Variants in SIRPB2 observed in about 807,000 individuals in gnomAD.
SIRPB2 encodes the protein signal regulatory protein beta 2.
Under a neutral mutation model 27.1 loss-of-function variants are expected in SIRPB2, and 18 were observed. The ratio of observed to expected loss-of-function variants is 0.66; its 90% CI spans 0.46 to 0.98. The LOEUF (loss-of-function observed/expected upper bound fraction) is 0.98, where lower values mean the gene tolerates loss of function less well. SIRPB2 is among the 50% of genes least tolerant of loss of function. The pLI, the probability that SIRPB2 is intolerant of heterozygous loss-of-function variation, is 0.00. For synonymous variants in SIRPB2, 150 were observed against 164.6 expected, an observed-to-expected ratio of 0.91 and a Z score of 0.68; for missense variants, 420 against 417.4, an observed-to-expected ratio of 1.01 and a Z score of -0.06.
At chr20:1,474,257 ACAGT>A (rs2090591501), downstream of SIRPB2, among the ~76,000 whole-genome samples, 1 of 152,236 alleles carries the variant, frequency 6.6e-6, no homozygotes, top group South Asian at 2.1e-4. Context: ...ATACAAGGTA[ACAGT>A]CAAAGGTTCC....
At chr20:1,476,423 A>C (rs1455340136) in intron 4 of SIRPB2, 87 bp from the exon 5 acceptor site, 14 of 1,331,142 alleles carry the variant, frequency 1.1e-5, no homozygotes, top group Non-Finnish European at 1.4e-5. Flanking sequence ...GCAAGGTCAC[A>C]TCCTGCTGCT....
rs147906566 is a variant in SIRPB2, at chr20:1,487,130, A to G, written c.85+4145T>C. On this transcript the variant is annotated intron_variant, in intron 1 of 4. Transcript: ENST00000359801. The stretch of plus-strand genomic sequence containing the variant: ...AATGAGCTTAGCAAGGTGGACGATA[A>G]AAGATCAATGTACAAAATTATATGT... 7.9e-3 allele frequency among the ~76,000 whole-genome samples: 1,198 copies of G among 152,338 alleles called. 19 individuals carry two copies. Among genetic ancestry groups the G allele is most frequent in the Non-Finnish European group, 9.3e-3 (636 of 68,030 alleles).
intron 1 of SIRPB2, among the ~76,000 whole-genome samples, chr20:1,485,252 C>G (rs887927838): frequency 6.6e-6 from 1 of 152,046 alleles, no homozygotes; most frequent in East Asian, 1.9e-4. Context: ...TAAAATGTTC[C>G]TAACACAGAT....
At chr20:1,485,649 CA>C (rs1360437603) in intron 1 of SIRPB2, among the ~76,000 whole-genome samples, 113 of 139,154 alleles carry the variant, frequency 8.1e-4, no homozygotes, top group East Asian at 5.9e-3. Context: ...CACACACACA[CA>C]CACCACACAC....
At position 1,488,659 on chromosome 20, in the gene SIRPB2, A is replaced by G. The variant is rs932995680; in HGVS notation, c.85+2616T>C. ...TGAGACCCTGTCTCAAAAAAAAAAA[A>G]TCACAGTAAGATATTACTATGTACC... On this transcript the variant is annotated intron_variant, in intron 1 of 4. Coordinates refer to ENST00000359801, the MANE Select transcript of SIRPB2 (RefSeq NM_001122962.2). 1.6e-4 allele frequency among the ~76,000 whole-genome samples: 24 copies of G among 147,172 alleles called. No homozygotes were observed. In the South Asian group the frequency reaches 2.4e-3, roughly 15 times the overall value.
intron 1 of SIRPB2, among the ~76,000 whole-genome samples, chr20:1,486,834 G>C (rs577619983): frequency 1.8e-4 from 27 of 152,162 alleles, no homozygotes; most frequent in Non-Finnish European, 3.8e-4. Flanking sequence ...GGTTTTTCAA[G>C]TTGATAAGGG....
Position 1,475,939 on chromosome 20 carries a change from A to T in SIRPB2, c.*228T>A. 2.0e-6 allele frequency: 1 copy of T among 495,236 alleles called. No individual in the cohort carries two copies. The highest frequency in any genetic ancestry group is 3.6e-6 in the Non-Finnish European group (1 of 280,572). The allele number at this position is 495,236 out of a possible 1,614,324, so 30.7% of individuals were successfully genotyped here. On this transcript the variant is annotated 3_prime_UTR_variant, in exon 5 of 5. Transcript: ENST00000359801. ...TGAGGAGAGACTGAGCCAGGGACTG[A>T]AAAGCAAGGAGGTCTTGAACAGGCC... is the stretch of plus-strand genomic sequence containing the variant.
chr20:1,486,768 C>G (rs2090730970), intron 1 of SIRPB2, among the ~76,000 whole-genome samples: 1 of 152,146 alleles, frequency 6.6e-6, no homozygotes, highest in Non-Finnish European at 1.5e-5. Flanking sequence ...AAGCAGTTTT[C>G]AAACTTGAAC....
rs575144339 is a variant in SIRPB2 at position 1,485,146 on chromosome 20, T to A, written c.86-5081A>T. Among the ~76,000 whole-genome samples the A allele has an allele frequency of 3.9e-5, 6 of 152,114 alleles. No homozygotes were observed. In the East Asian group the frequency reaches 1.2e-3, roughly 29 times the overall value. On this transcript the variant is annotated intron_variant, in intron 1 of 4. Coordinates refer to ENST00000359801, the MANE Select transcript of SIRPB2 (RefSeq NM_001122962.2). ...TAATGGGTACAAACATACAGTTAGATAGAAGGAATAAGATCCTGCCATTTG... is the reference window on the plus strand; with the variant it reads ...TAATGGGTACAAACATACAGTTAGAAAGAAGGAATAAGATCCTGCCATTTG...
chr20:1,474,936 G>T lies in SIRPB2; in HGVS notation c.*1231C>A, dbSNP rs1452857264. 6.6e-6 allele frequency: 1 copy of T among 152,262 alleles called. No homozygotes were observed. The highest frequency in any genetic ancestry group is 6.5e-5 in the Admixed American group (1 of 15,278). The allele number at this position is 152,262 out of a possible 1,614,324, so 9.4% of individuals were successfully genotyped here. A position where few individuals can be genotyped will look rare whatever the true frequency, so the allele number is the denominator to read the frequency against. ...TAGTATCCTGGATGTTCCGTGATGG[G>T]AAGGGACTCTGATTAGTCACTGAGG... is the stretch of plus-strand genomic sequence containing the variant. On this transcript the variant is annotated 3_prime_UTR_variant, in exon 5 of 5. Coordinates refer to ENST00000359801, the MANE Select transcript of SIRPB2 (RefSeq NM_001122962.2).
downstream of SIRPB2, among the ~76,000 whole-genome samples, chr20:1,472,394 C>G (rs963867): frequency 0.3 from 45,715 of 151,952 alleles, 8,473 homozygotes; most frequent in East Asian, 0.74. Context: ...TGGATCCAAG[C>G]AGGGCCAACT....
chr20:1,486,283 G>T (rs1019571099), intron 1 of SIRPB2, among the ~76,000 whole-genome samples: 2 of 151,850 alleles, frequency 1.3e-5, no homozygotes, highest in African/African-American at 4.8e-5. Context: ...ATGTTAGCCA[G>T]GCTGGTCTTG....
downstream of SIRPB2, chr20:1,473,785 G>A (rs990790338): frequency 2.2e-6 from 1 of 455,740 alleles, no homozygotes; most frequent in Admixed American, 2.4e-5. Context: ...GGGCAGGTGG[G>A]ACCCACCTCC....
chr20:1,473,473 T>C (rs914497208), downstream of SIRPB2, among the ~76,000 whole-genome samples: 11 of 151,922 alleles, frequency 7.2e-5, no homozygotes, highest in South Asian at 2.3e-3. Flanking sequence ...CACACACACA[T>C]GCATGTGCGC....
At chr20:1,488,332 T>C (rs2090746456) in intron 1 of SIRPB2, among the ~76,000 whole-genome samples, 1 of 152,088 alleles carries the variant, frequency 6.6e-6, no homozygotes, top group Non-Finnish European at 1.5e-5. Context: ...TCATTACATA[T>C]TAGGGAGTTA....
At chr20:1,477,001 AG>A in intron 4 of SIRPB2, 1 of 1,260,374 alleles carries the variant, frequency 7.9e-7, no homozygotes, top group Non-Finnish European at 1.0e-6. Flanking sequence ...GGCTCCATCC[AG>A]GAGGCTTAGC....
At chr20:1,477,227 G>A in intron 4 of SIRPB2, 111 bp downstream of exon 4, 2 of 1,612,962 alleles carry the variant, frequency 1.2e-6, no homozygotes, top group Non-Finnish European at 1.7e-6. Flanking sequence ...AGCATTCTTG[G>A]TGGCAGGTTA....
chr20:1,490,761 C>A (rs2090769381), intron 1 of SIRPB2, among the ~76,000 whole-genome samples: 2 of 152,290 alleles, frequency 1.3e-5, no homozygotes, highest in South Asian at 4.1e-4. Flanking sequence ...TGGTTCATGG[C>A]TGTGCCATCT....
Position 1,475,720 on chromosome 20 carries a change from G to A in SIRPB2, c.*447C>T. ...CAAGCCAGCCATGAGGGGGATGGAA[G>A]GAAGGCAGGAAGGAGTGGGGAGAAA... is the stretch of plus-strand genomic sequence containing the variant. On this transcript the variant is annotated 3_prime_UTR_variant, in exon 5 of 5. Coordinates refer to ENST00000359801, the MANE Select transcript of SIRPB2 (RefSeq NM_001122962.2). 1 of 160,274 alleles carries A rather than the reference G, an allele frequency of 6.2e-6. No homozygotes were observed. The highest frequency in any genetic ancestry group is 1.4e-5 in the Non-Finnish European group (1 of 73,726). 9.9% of individuals were successfully genotyped at this position (160,274 alleles called of 1,614,324 possible).
Sources: gnomAD v4.1 joint callset for allele counts (sites outside exome capture counted in the v4.1 genomes callset) on GRCh38, gnomAD v4.1.1 for gene constraint, MANE v1.5 for transcripts, NCBI Gene and HGNC (gene_info 2026-07-23, HGNC 2026-07-21) for gene names.